The following DNAJC21 variants were observed in gnomAD, a reference collection of about 807,000 sequenced individuals.
DNAJC21 encodes dnaJ homolog subfamily C member 21.
Under a neutral mutation model 72.4 loss-of-function variants are expected in DNAJC21, and 63 were observed. The ratio of observed to expected loss-of-function variants is 0.87; its 90% CI spans 0.71 to 1.07. The LOEUF (loss-of-function observed/expected upper bound fraction) is 1.07, where lower values mean the gene tolerates loss of function less well. Ranked by LOEUF, DNAJC21 falls within the 50% of genes least tolerant of loss-of-function variation. DNAJC21 has a pLI of 0.00. For synonymous variants in DNAJC21, 203 were observed against 216.7 expected, an observed-to-expected ratio of 0.94 and a Z score of 0.56; for missense variants, 634 against 644.8, an observed-to-expected ratio of 0.98 and a Z score of 0.18.
chr5:34,938,189 T>G (rs1764859854), intron 5 of DNAJC21, among the ~76,000 whole-genome samples: 1 of 152,146 alleles, frequency 6.6e-6, no homozygotes, highest in African/African-American at 2.4e-5. Context: ...TAATTTTAAT[T>G]AATAACTAGC....
At chr5:34,938,163 C>G (rs562231830) in intron 5 of DNAJC21, among the ~76,000 whole-genome samples, 2 of 152,158 alleles carry the variant, frequency 1.3e-5, no homozygotes, top group African/African-American at 4.8e-5. Flanking sequence ...ATCCTTTAGA[C>G]TTTTGTAAAA....
rs1476512662 is a variant in DNAJC21 at position 34,929,568 on chromosome 5, G to A, written c.-252G>A. 2.0e-5 allele frequency: 3 copies of A among 150,562 alleles called. No individual in the cohort carries two copies. The highest frequency in any genetic ancestry group is 4.4e-5 in the Non-Finnish European group (3 of 67,758). The allele number at this position is 150,562 out of a possible 1,614,324, so 9.3% of individuals were successfully genotyped here. A position where few individuals can be genotyped will look rare whatever the true frequency, so the allele number is the denominator to read the frequency against. On this transcript the variant is annotated 5_prime_UTR_variant, in exon 1 of 12. Coordinates refer to ENST00000648817, the MANE Select transcript of DNAJC21 (RefSeq NM_001012339.3). ...AGCCCACCCCTAGCCCATGCGAAGC[G>A]GCGGCCGCCGGCACCGCCCCCGCCG...
chr5:34,951,193 T>G (rs1021818393), intron 10 of DNAJC21: 40 of 985,258 alleles, frequency 4.1e-5, no homozygotes, highest in Non-Finnish European at 4.5e-5. Context: ...TATAAAGAAC[T>G]ACACAAACTG....
chr5:34,945,981 G>T (rs1300693824), intron 9 of DNAJC21, among the ~76,000 whole-genome samples, 178 bp downstream of exon 9: 1 of 151,908 alleles, frequency 6.6e-6, no homozygotes, highest in African/African-American at 2.4e-5. Flanking sequence ...CCCCCCCCTT[G>T]TATGTATGTA....
In DNAJC21 at chr5:34,929,984, C is replaced by A. The variant is rs944238703; in HGVS notation, c.97+68C>A. On this transcript the variant is annotated intron_variant, in intron 1 of 11. Transcript: ENST00000648817. ...CCGGCCCTCCCCGACCTTCCCTTCC[C>A]CCGGGCGGACTCCGCGGAGCCAGCA... 8 of 1,268,118 alleles carry A rather than the reference C, an allele frequency of 6.3e-6. No individual in the cohort carries two copies. In the African/African-American group the frequency reaches 1.1e-4, roughly 17 times the overall value. 78.6% of individuals were successfully genotyped at this position (1,268,118 alleles called of 1,614,324 possible). A position where few individuals can be genotyped will look rare whatever the true frequency, so the allele number is the denominator to read the frequency against.
chr5:34,938,836 A>G (rs1347539721), intron 5 of DNAJC21, 22 bp from the exon 6 acceptor site: 2 of 1,575,188 alleles, frequency 1.3e-6, no homozygotes, highest in Non-Finnish European at 1.7e-6. Flanking sequence ...TGTCGCTGTG[A>G]GACTGTGCTG....
chr5:34,936,220 T>C lies in DNAJC21; in HGVS notation c.392T>C (p.Val131Ala). 1 of 1,614,092 alleles carries C rather than the reference T, an allele frequency of 6.2e-7. No individual in the cohort carries two copies. Among genetic ancestry groups the C allele is most frequent in the Non-Finnish European group, 8.5e-7 (1 of 1,179,990 alleles). The change falls in exon 4 of 12, where the codon GTT becomes GCT. Residue 131 changes from valine (V) to alanine (A), a missense_variant. Coordinates refer to ENST00000648817, the MANE Select transcript of DNAJC21 (RefSeq NM_001012339.3). ...CTAGAATCTGTGTTAGAGGAAGAGG[T>C]TGATGATTTCCCAACTTTTGGAGAC... ...EELESVLEEEVDDFPTFGDSQ... is the reference protein window; with the variant it reads ...EELESVLEEEADDFPTFGDSQ...
chr5:34,935,237 A>G (rs1478228381), intron 2 of DNAJC21, among the ~76,000 whole-genome samples: 1 of 152,212 alleles, frequency 6.6e-6, no homozygotes, highest in Non-Finnish European at 1.5e-5. Flanking sequence ...GATGGAGATA[A>G]TAACTGCCTT....
In DNAJC21 at chr5:34,929,840, G is replaced by C. The variant is rs754143117; in HGVS notation, c.21G>C (p.Ala7=). 1.3e-6 allele frequency: 2 copies of C among 1,572,802 alleles called. No individual in the cohort carries two copies. The highest frequency in any genetic ancestry group is 1.4e-5 in the African/African-American group (1 of 71,308). Residue 7 remains alanine, a synonymous_variant, in exon 1 of 12, where the codon GCG becomes GCC. Coordinates refer to ENST00000648817, the MANE Select transcript of DNAJC21 (RefSeq NM_001012339.3). The part of the protein sequence containing the change: MKCHYE[A]LGVRRDASEE... ...GGGCGATGAAGTGTCACTATGAGGCGCTGGGGGTGCGGCGCGACGCCAGCG... is the reference window on the plus strand; with the variant it reads ...GGGCGATGAAGTGTCACTATGAGGCCCTGGGGGTGCGGCGCGACGCCAGCG...
intron 1 of DNAJC21, 63 bp downstream of exon 1, chr5:34,929,979 CT>C: frequency 7.5e-7 from 1 of 1,329,286 alleles, no homozygotes; most frequent in Non-Finnish European, 1.0e-6. Flanking sequence ...CCGACCTTCC[CT>C]TCCCCCGGGC....
chr5:34,953,978 G>T lies in DNAJC21; in HGVS notation c.1411G>T (p.Val471Leu), dbSNP rs1765460070. Residue 471 changes from valine to leucine, a missense_variant, in exon 11 of 12, where the codon GTA (valine) becomes TTA (leucine). Coordinates refer to ENST00000648817, the MANE Select transcript of DNAJC21 (RefSeq NM_001012339.3). ...KTKDMKKPVR[V>L]PAEPQTMSVL... Reference sequence around the variant, plus strand: ...CAAAGATATGAAAAAACCTGTCAGAGTACCTGCTGAACCACAAACAATGGT... The same window carrying T: ...CAAAGATATGAAAAAACCTGTCAGATTACCTGCTGAACCACAAACAATGGT... The T allele has an allele frequency of 6.2e-7, 1 of 1,611,758 alleles. No homozygotes were observed. Among genetic ancestry groups the T allele is most frequent in the Non-Finnish European group, 8.5e-7 (1 of 1,179,246 alleles).
chr5:34,930,771 TA>T (rs1421326222), intron 1 of DNAJC21, among the ~76,000 whole-genome samples: 110 of 152,196 alleles, frequency 7.2e-4, no homozygotes, highest in Non-Finnish European at 2.9e-5. Context: ...TGCACTCTAC[TA>T]AGTAGATTTG....
chr5:34,943,602 A>G (rs140987348), intron 7 of DNAJC21, among the ~76,000 whole-genome samples: 190 of 152,334 alleles, frequency 1.2e-3, no homozygotes, highest in African/African-American at 4.2e-3. Context: ...GACACTTTAA[A>G]ACTATGCAGA....
At chr5:34,941,876 T>G (rs1580532035) in intron 7 of DNAJC21, among the ~76,000 whole-genome samples, 1 of 152,134 alleles carries the variant, frequency 6.6e-6, no homozygotes, top group East Asian at 1.9e-4. Context: ...CCTTGTGTTT[T>G]TTTTTGAGGT....
chr5:34,953,869 A>G, intron 10 of DNAJC21, 57 bp from the exon 11 acceptor site: 1 of 1,393,824 alleles, frequency 7.2e-7, no homozygotes, highest in Admixed American at 2.1e-5. Context: ...CACTCAAATA[A>G]TGATGGTTAA....
At chr5:34,952,027 C>T (rs1036569669) in intron 10 of DNAJC21, 75 of 985,292 alleles carry the variant, frequency 7.6e-5, no homozygotes, top group Non-Finnish European at 8.9e-5. Context: ...ACTCTGCTGT[C>T]CCCTGGATCC....
intron 10 of DNAJC21, chr5:34,951,777 G>C (rs1765375367): frequency 1.0e-6 from 1 of 982,950 alleles, no homozygotes; most frequent in Admixed American, 6.2e-5. Context: ...GCCCGCCTTG[G>C]CCTACCAAAG....
At position 34,936,255 on chromosome 5, in the gene DNAJC21, G is replaced by A. The variant is rs777369967; in HGVS notation, c.427G>A (p.Asp143Asn). The change falls in exon 4 of 12, where the codon GAC (aspartate) becomes AAC (asparagine). Residue 143 changes from aspartate (D) to asparagine (N), a missense_variant. Asp to Asn is a conservative substitution (Grantham distance 23). Transcript: ENST00000648817. ...DFPTFGDSQS[D>N]YDTVVHPFYA... The stretch of plus-strand genomic sequence containing the variant: ...CCCAACTTTTGGAGACTCCCAGAGT[G>A]ACTATGATACGGTAAAATAAAAATG... 8 of 1,611,810 alleles carry A rather than the reference G, an allele frequency of 5.0e-6. No homozygotes were observed. The highest frequency in any genetic ancestry group is 1.3e-5 in the African/African-American group (1 of 74,910).
chr5:34,933,818 A>G lies in DNAJC21; in HGVS notation c.101A>G (p.Lys34Arg), dbSNP rs772525486. Residue 34 changes from lysine to arginine, a missense_variant, in exon 2 of 12, where the codon AAA (lysine) becomes AGA (arginine). Physicochemically the swap from Lys to Arg is conservative, Grantham distance 26. Transcript: ENST00000648817. ...TAAATTTCTGTGACTTTAACAGATAAAAATCTGGATAATGCCGCAGAAGCA... is the reference window on the plus strand; with the variant it reads ...TAAATTTCTGTGACTTTAACAGATAGAAATCTGGATAATGCCGCAGAAGCA... ...RKLALKWHPD[K>R]NLDNAAEAAE... 1.1e-4 allele frequency: 173 copies of G among 1,613,274 alleles called. No homozygotes were observed. Among genetic ancestry groups the G allele is most frequent in the Non-Finnish European group, 1.4e-4 (166 of 1,179,734 alleles).
Sources: gnomAD v4.1 joint callset for allele counts (sites outside exome capture counted in the v4.1 genomes callset) on GRCh38, gnomAD v4.1.1 for gene constraint, MANE v1.5 for transcripts, NCBI Gene and HGNC (gene_info 2026-07-23, HGNC 2026-07-21) for gene names.